Variants in DPYSL4 observed in about 807,000 individuals in gnomAD.
The protein encoded by DPYSL4 is dihydropyrimidinase-related protein 4.
A neutral mutation model predicts 63.4 loss-of-function variants in DPYSL4; 43 were observed. The observed-to-expected ratio is 0.68, with a 90% CI of 0.53 to 0.88. The LOEUF (loss-of-function observed/expected upper bound fraction) is 0.88, where lower values mean the gene tolerates loss of function less well. DPYSL4 is among the 40% of genes least tolerant of loss of function. The probability of loss-of-function intolerance (pLI) is 0.00; values close to 1 mark genes in which losing one functional copy is unlikely to be tolerated. For missense variants in DPYSL4, 733 were observed against 819.5 expected, an observed-to-expected ratio of 0.89 and a Z score of 1.29; for synonymous variants, 353 against 331.7, an observed-to-expected ratio of 1.06 and a Z score of -0.70.
chr10:132,200,690 C>T (rs974867837), intron 9 of DPYSL4, 152 bp from the exon 10 acceptor site: 12 of 1,342,456 alleles, frequency 8.9e-6, no homozygotes, highest in African/African-American at 2.9e-5. Flanking sequence ...AACCAGTCCC[C>T]GCTCCCCTGC....
chr10:132,187,991 G>C (rs1419295032), intron 1 of DPYSL4, among the ~76,000 whole-genome samples: 2 of 152,118 alleles, frequency 1.3e-5, no homozygotes, highest in Non-Finnish European at 1.5e-5. Context: ...GCATTAGCTC[G>C]AGCCGTGGGC....
In DPYSL4 at chr10:132,194,862, G is replaced by C. The variant is rs780980951; in HGVS notation, c.331G>C (p.Asp111His). ...TTMILDHVFPDTGVSLLAAYE... is the reference protein window; with the variant it reads ...TTMILDHVFPHTGVSLLAAYE... The stretch of plus-strand genomic sequence containing the variant: ...CTTCACAGTGGACCACGTCTTCCCC[G>C]ACACGGGTGTGAGCCTGCTGGCGGC... Residue 111 changes from aspartate to histidine, a missense_variant, in exon 4 of 14, where the codon GAC becomes CAC. Asp to His is a moderately conservative substitution (Grantham distance 81). Coordinates refer to ENST00000338492, the MANE Select transcript of DPYSL4 (RefSeq NM_006426.3). 2 of 1,612,556 alleles carry C rather than the reference G, an allele frequency of 1.2e-6. No homozygotes were observed. The highest frequency in any genetic ancestry group is 2.7e-5 in the African/African-American group (2 of 74,928).
chr10:132,202,240 G>A (rs1565046445), intron 11 of DPYSL4, 124 bp downstream of exon 11: 1 of 1,287,620 alleles, frequency 7.8e-7, no homozygotes, highest in Non-Finnish European at 1.1e-6. Flanking sequence ...GCCATCCCAG[G>A]GCCGTCCACA....
rs573934283 is a variant in DPYSL4, at chr10:132,198,831, C to T, written c.691-20C>T. 3.7e-6 allele frequency: 6 copies of T among 1,612,360 alleles called. No individual in the cohort carries two copies. Among genetic ancestry groups the T allele is most frequent in the South Asian group, 2.2e-5 (2 of 91,014 alleles). ...CCCCAGGGCCCTCGTGTGGCCTCAT[C>T]CCTCTCATCTCGTCCCCAGGTGGAG... On this transcript the variant is annotated intron_variant, in intron 7 of 13. Coordinates refer to ENST00000338492, the MANE Select transcript of DPYSL4 (RefSeq NM_006426.3).
chr10:132,188,580 G>A (rs2061834396), intron 1 of DPYSL4, among the ~76,000 whole-genome samples: 1 of 152,208 alleles, frequency 6.6e-6, no homozygotes, highest in Admixed American at 6.5e-5. Flanking sequence ...AGGAGGAGAG[G>A]TGCAGCGGCT....
At chr10:132,187,165 C>A in intron 1 of DPYSL4, 63 bp downstream of exon 1, 3 of 1,280,678 alleles carry the variant, frequency 2.3e-6, no homozygotes, top group Non-Finnish European at 3.3e-6. Flanking sequence ...GCCTGGACGC[C>A]GGGCGGACCC....
Position 132,202,822 on chromosome 10 carries a change from C to T in DPYSL4, c.1458C>T (p.Asn486=), listed in dbSNP as rs1401630210. Residue 486 remains asparagine (N), a synonymous_variant, in exon 12 of 14, where the codon AAC becomes AAT. Transcript: ENST00000338492. ...DFVYKRIKAR[N]RLAEIHGVPR... ...TCTACAAGAGGATCAAAGCTCGCAA[C>T]AGGGTAGGGCGGCACCCGCAAGGGT... The T allele has an allele frequency of 3.8e-6, 6 of 1,588,954 alleles. No individual in the cohort carries two copies. Among genetic ancestry groups the T allele is most frequent in the African/African-American group, 2.7e-5 (2 of 74,648 alleles).
chr10:132,202,542 G>C, intron 11 of DPYSL4, 104 bp from the exon 12 acceptor site: 1 of 1,450,736 alleles, frequency 6.9e-7, no homozygotes, highest in Non-Finnish European at 9.4e-7. Flanking sequence ...AGGCACACCG[G>C]GCCTGCTCCA....
chr10:132,202,911 C>T, intron 12 of DPYSL4, 86 bp downstream of exon 12: 1 of 1,472,586 alleles, frequency 6.8e-7, no homozygotes, highest in Non-Finnish European at 9.1e-7. Flanking sequence ...GTCAACCTGG[C>T]CCGGCCTCCC....
rs1437469069 is a variant in DPYSL4, at chr10:132,202,837, C to T, written c.1461+12C>T. ...AAGCTCGCAACAGGGTAGGGCGGCA[C>T]CCGCAAGGGTGTTGTGCAGGTAGGC... On this transcript the variant is annotated intron_variant, in intron 12 of 13. Transcript: ENST00000338492. 31 of 1,574,770 alleles carry T rather than the reference C, an allele frequency of 2.0e-5. 1 individual carries two copies. The highest frequency in any genetic ancestry group is 2.7e-5 in the African/African-American group (2 of 74,350).
rs147293903 is a variant in DPYSL4, at chr10:132,200,499, T to C, written c.955T>C (p.Cys319Arg). The C allele has an allele frequency of 6.2e-7, 1 of 1,612,948 alleles. No homozygotes were observed. The highest frequency in any genetic ancestry group is 1.7e-5 in the Admixed American group (1 of 59,998). ...PDPTTADHLT[C>R]LLSSGDLQVT... is the part of the protein sequence containing the mutation. ...CCCCACCACGGCGGACCACCTCACC[T>C]GCTTGCTGTCCAGGTAAGCAGCCTC... Residue 319 changes from cysteine (C) to arginine (R), a missense_variant, in exon 9 of 14, where the codon TGC (cysteine) becomes CGC (arginine). Transcript: ENST00000338492.
At chr10:132,187,855 G>T (rs908388199) in intron 1 of DPYSL4, among the ~76,000 whole-genome samples, 1 of 152,238 alleles carries the variant, frequency 6.6e-6, no homozygotes, top group South Asian at 2.1e-4. Context: ...CGCTCGGGCG[G>T]GGGGAGATGG....
rs2061892850 is a variant in DPYSL4 at position 132,192,646 on chromosome 10, T to C, written c.129-12T>C. 6.3e-7 allele frequency: 1 copy of C among 1,592,232 alleles called. No individual in the cohort carries two copies. The highest frequency in any genetic ancestry group is 1.7e-5 in the Admixed American group (1 of 57,650). Reference sequence around the variant, plus strand: ...GGCTCCCTGTAACCAGTGAAATCTCTGCTGCTTTCAGACAAATCGGAGAAA... The same window carrying C: ...GGCTCCCTGTAACCAGTGAAATCTCCGCTGCTTTCAGACAAATCGGAGAAA... On this transcript the variant is annotated splice_polypyrimidine_tract_variant and intron_variant, in intron 2 of 13. Transcript: ENST00000338492.
intron 1 of DPYSL4, 56 bp from the exon 2 acceptor site, chr10:132,190,689 AAG>A (rs1193661995): frequency 6.6e-7 from 1 of 1,518,216 alleles, no homozygotes; most frequent in Non-Finnish European, 9.1e-7. Context: ...GAGTTGCACC[AAG>A]AGTGTTACTG....
intron 9 of DPYSL4, 112 bp from the exon 10 acceptor site, chr10:132,200,730 C>T: frequency 6.9e-7 from 1 of 1,438,938 alleles, no homozygotes; most frequent in Non-Finnish European, 9.3e-7. Flanking sequence ...CCAGCGAGAG[C>T]CACTCAGATG....
intron 2 of DPYSL4, among the ~76,000 whole-genome samples, chr10:132,191,182 T>A (rs76975786): frequency 1.4e-5 from 1 of 73,890 alleles, no homozygotes; most frequent in Non-Finnish European, 2.8e-5. Context: ...ATCCAGGCAG[T>A]TGAAAGTATG....
At chr10:132,200,779 G>T in intron 9 of DPYSL4, 63 bp from the exon 10 acceptor site, 1 of 1,577,688 alleles carries the variant, frequency 6.3e-7, no homozygotes, top group South Asian at 1.2e-5. Context: ...AAGGGGGCTG[G>T]AGCTGACCTG....
chr10:132,197,884 C>T (rs1376834934), intron 6 of DPYSL4, among the ~76,000 whole-genome samples: 3 of 152,218 alleles, frequency 2.0e-5, no homozygotes, highest in Non-Finnish European at 2.9e-5. Flanking sequence ...CCGGCTGCAC[C>T]GTCAGGAGGT....
rs963594918 is a variant in DPYSL4 at position 132,205,690 on chromosome 10, C to A, written c.*760C>A. ...GTAGCCAGGAACCTGTGCATGCCAC[C>A]CACCGCCTGGACAGGCAGTCATCCT... On this transcript the variant is annotated 3_prime_UTR_variant, in exon 14 of 14. Transcript: ENST00000338492. 1 of 152,260 alleles carries A rather than the reference C, an allele frequency of 6.6e-6. No homozygotes were observed. Among genetic ancestry groups the A allele is most frequent in the African/African-American group, 2.4e-5 (1 of 41,452 alleles). The allele number at this position is 152,260 out of a possible 1,614,324, so 9.4% of individuals were successfully genotyped here. A position where few individuals can be genotyped will look rare whatever the true frequency, so the allele number is the denominator to read the frequency against.
Sources: allele counts gnomAD v4.1 joint callset (sites outside exome capture counted in the v4.1 genomes callset), GRCh38; gene constraint gnomAD v4.1.1; transcripts MANE v1.5; gene names NCBI Gene and HGNC (gene_info 2026-07-23, HGNC 2026-07-21).